ROR1: variants seen among roughly 807,000 people sequenced by gnomAD.
ROR1 encodes the protein ROR family WNT receptor 1.
Under a neutral mutation model 78.8 loss-of-function variants are expected in ROR1, and 19 were observed. The observed-to-expected ratio is 0.24, with a 90% CI of 0.17 to 0.35. The LOEUF (loss-of-function observed/expected upper bound fraction) is 0.35, where lower values mean the gene tolerates loss of function less well. Ranked by LOEUF, ROR1 falls within the 10% of genes least tolerant of loss-of-function variation. The pLI is 1.00. For synonymous variants in ROR1, 386 were observed against 433.6 expected (o/e 0.89, Z 1.36); for missense variants, 917 against 1,177.8 (o/e 0.78, Z 3.24).
intron 1 of ROR1, among the ~76,000 whole-genome samples, chr1:63,923,370 A>G (rs150366004): frequency 1.3e-5 from 2 of 152,190 alleles, no homozygotes; most frequent in African/African-American, 4.8e-5. Flanking sequence ...TTCACCTGCA[A>G]GTGGGAATAA....
chr1:64,171,628 A>G (rs1052806682), intron 8 of ROR1, among the ~76,000 whole-genome samples: 1 of 152,180 alleles, frequency 6.6e-6, no homozygotes. Context: ...ACTGGCCTTG[A>G]GTGAAAGGGA....
chr1:63,993,359 G>T lies in ROR1; in HGVS notation c.92-15946G>T, dbSNP rs563508002. On this transcript the variant is annotated intron_variant, in intron 1 of 8. Coordinates refer to ENST00000371079, the MANE Select transcript of ROR1 (RefSeq NM_005012.4). ...TAAAAATTCTCCCATTTTGCACATG[G>T]TATAGAATTTTAAGAGTGCAAAAAG... Among the ~76,000 whole-genome samples, 49 of 152,242 alleles carry T rather than the reference G, an allele frequency of 3.2e-4. 1 individual carries two copies. The South Asian group carries it at 9.6e-3, about 30-fold the overall frequency.
chr1:63,834,959 GATC>G (rs985335510), intron 1 of ROR1, among the ~76,000 whole-genome samples: 8 of 152,012 alleles, frequency 5.3e-5, no homozygotes, highest in African/African-American at 1.9e-4. Context: ...CAGGCTCATG[GATC>G]AATAATTGGC....
intron 1 of ROR1, among the ~76,000 whole-genome samples, chr1:64,006,354 T>C (rs1253173308): frequency 1.3e-5 from 2 of 152,132 alleles, no homozygotes; most frequent in Admixed American, 6.6e-5. Context: ...AGCCTTTTCA[T>C]AGGTGAACCG....
chr1:63,857,013 G>T (rs2100339015), intron 1 of ROR1, among the ~76,000 whole-genome samples: 1 of 152,190 alleles, frequency 6.6e-6, no homozygotes, highest in South Asian at 2.1e-4. Context: ...TGAGGACAGG[G>T]AATGTCTTTA....
intron 4 of ROR1, among the ~76,000 whole-genome samples, chr1:64,108,978 T>A (rs1379470410): frequency 6.6e-6 from 1 of 152,158 alleles, no homozygotes; most frequent in Admixed American, 6.5e-5. Context: ...GCCACAGGTA[T>A]CTTGGACACA....
intron 8 of ROR1, among the ~76,000 whole-genome samples, chr1:64,177,106 C>T (rs1650403219): frequency 6.6e-6 from 1 of 152,128 alleles, no homozygotes; most frequent in Non-Finnish European, 1.5e-5. Flanking sequence ...TGAGGTGGGC[C>T]CAAGAGTCTG....
intron 1 of ROR1, among the ~76,000 whole-genome samples, chr1:63,910,734 G>T (rs1000424310): frequency 1.2e-4 from 19 of 152,058 alleles, no homozygotes; most frequent in African/African-American, 4.6e-4. Context: ...GCTTTTTCTG[G>T]TTCATCCATG....
intron 7 of ROR1, among the ~76,000 whole-genome samples, chr1:64,148,329 G>A (rs941295223): frequency 6.6e-6 from 1 of 152,108 alleles, no homozygotes; most frequent in Admixed American, 6.5e-5. Context: ...TGTATGTTGT[G>A]TATGTGTTTT....
intron 1 of ROR1, among the ~76,000 whole-genome samples, chr1:63,831,996 A>G (rs1644991692): frequency 6.6e-6 from 1 of 152,208 alleles, no homozygotes; most frequent in African/African-American, 2.4e-5. Flanking sequence ...AAGGTTACAC[A>G]GATCTCTAGA....
intron 1 of ROR1, among the ~76,000 whole-genome samples, chr1:63,847,825 G>C (rs2100325527): frequency 6.6e-6 from 1 of 152,234 alleles, no homozygotes; most frequent in East Asian, 1.9e-4. Flanking sequence ...TATACTCCCT[G>C]CTGCTGATAA....
At chr1:64,169,961 C>G (rs764610676) in intron 8 of ROR1, among the ~76,000 whole-genome samples, 12 of 152,092 alleles carry the variant, frequency 7.9e-5, no homozygotes, top group Non-Finnish European at 1.6e-4. Context: ...GTGCATCAGA[C>G]ACCTCTGCAC....
At chr1:64,152,601 G>C (rs1356699783) in intron 7 of ROR1, among the ~76,000 whole-genome samples, 2 of 152,094 alleles carry the variant, frequency 1.3e-5, no homozygotes, top group African/African-American at 2.4e-5. Context: ...TTATTTAGTA[G>C]ATTTGTCTAA....
At chr1:63,877,587 G>T (rs529416725) in intron 1 of ROR1, among the ~76,000 whole-genome samples, 23 of 152,232 alleles carry the variant, frequency 1.5e-4, no homozygotes, top group African/African-American at 5.5e-4. Context: ...GTAGCACAAG[G>T]TTACAGGGAG....
chr1:63,779,543 T>G (rs187216859), intron 1 of ROR1, among the ~76,000 whole-genome samples: 2 of 152,300 alleles, frequency 1.3e-5, no homozygotes, highest in East Asian at 3.9e-4. Context: ...TGGGGGCAAC[T>G]CTTCGAAAAT....
At chr1:64,022,812 A>G (rs1418960437) in intron 2 of ROR1, among the ~76,000 whole-genome samples, 5 of 152,216 alleles carry the variant, frequency 3.3e-5, no homozygotes, top group African/African-American at 1.2e-4. Flanking sequence ...CATCTGTGTT[A>G]AAAGAACTGT....
At position 63,886,869 on chromosome 1, in the gene ROR1, G is replaced by A. The variant is rs538468789; in HGVS notation, c.91+112361G>A. ...GGCTGTGGACTTTTCTTCCAGGCAGGTGGGATAGGAATGGGAGTTGAAGTT... is the reference window on the plus strand; with the variant it reads ...GGCTGTGGACTTTTCTTCCAGGCAGATGGGATAGGAATGGGAGTTGAAGTT... On this transcript the variant is annotated intron_variant, in intron 1 of 8. Transcript: ENST00000371079. 1.2e-4 allele frequency among the ~76,000 whole-genome samples: 19 copies of A among 152,292 alleles called. 1 individual carries two copies. In the South Asian group the frequency reaches 3.3e-3, roughly 27 times the overall value.
At chr1:64,134,748 CTTTTT>C (rs58315931) in intron 4 of ROR1, among the ~76,000 whole-genome samples, 3 of 131,572 alleles carry the variant, frequency 2.3e-5, no homozygotes. Context: ...TTCTTTCATT[CTTTTT>C]TTTTTTTTTT....
intron 1 of ROR1, among the ~76,000 whole-genome samples, chr1:63,932,050 A>G (rs774806674): frequency 1.3e-5 from 2 of 152,142 alleles, no homozygotes; most frequent in Non-Finnish European, 2.9e-5. Context: ...TGCCTACCTT[A>G]CATGCTTGCA....
Sources: allele counts gnomAD v4.1 joint callset (sites outside exome capture counted in the v4.1 genomes callset), GRCh38; gene constraint gnomAD v4.1.1; transcripts MANE v1.5; gene names NCBI Gene and HGNC (gene_info 2026-07-23, HGNC 2026-07-21).